DTWD2: variants seen among roughly 807,000 people sequenced by gnomAD.
DTWD2 encodes the protein DTW motif tRNA-uridine aminocarboxypropyltransferase 2, also known as tRNA-uridine aminocarboxypropyltransferase 2.
In DTWD2, 39 loss-of-function variants were observed where a neutral mutation model predicts 31.8. The ratio of observed to expected loss-of-function variants is 1.22; its 90% CI spans 0.95 to 1.60. The LOEUF (loss-of-function observed/expected upper bound fraction) is 1.60, where lower values mean the gene tolerates loss of function less well. Among genes scored for constraint, DTWD2 ranks in the 40% most tolerant of loss-of-function variants. DTWD2 has a pLI of 0.00. For missense variants in DTWD2, 515 were observed against 381.5 expected (o/e 1.35, Z -2.92); for synonymous variants, 180 against 142.8 (o/e 1.26, Z -1.86).
intron 5 of DTWD2, among the ~76,000 whole-genome samples, chr5:118,844,224 G>T (rs1217770768): frequency 6.6e-6 from 1 of 152,178 alleles, no homozygotes; most frequent in Non-Finnish European, 1.5e-5. Context: ...CAGTTTTCAA[G>T]GAACCATTAC....
chr5:118,913,515 T>G (rs981781806), intron 4 of DTWD2, among the ~76,000 whole-genome samples: 2 of 150,310 alleles, frequency 1.3e-5, no homozygotes, highest in African/African-American at 4.9e-5. Flanking sequence ...AGTTTTAAAA[T>G]TAAAAAGATG....
chr5:118,880,731 CT>C (rs1752722869), intron 4 of DTWD2, among the ~76,000 whole-genome samples: 1 of 152,082 alleles, frequency 6.6e-6, no homozygotes, highest in African/African-American at 2.4e-5. Context: ...ACATTTCATA[CT>C]CTTTCCTAGC....
At chr5:118,937,159 G>A (rs2149582970) in intron 3 of DTWD2, among the ~76,000 whole-genome samples, 1 of 152,164 alleles carries the variant, frequency 6.6e-6, no homozygotes, top group Non-Finnish European at 1.5e-5. Context: ...GTTTTAACAT[G>A]CAGAAATCAA....
intron 4 of DTWD2, among the ~76,000 whole-genome samples, chr5:118,927,103 A>C (rs1753826068): frequency 6.6e-6 from 1 of 152,198 alleles, no homozygotes; most frequent in Non-Finnish European, 1.5e-5. Context: ...AGACGGAGAG[A>C]GACAGAGAGC....
At position 118,844,255 on chromosome 5, in the gene DTWD2, T is replaced by C. The variant is rs1454259710; in HGVS notation, c.727-3168A>G. 5.9e-5 allele frequency among the ~76,000 whole-genome samples: 9 copies of C among 152,234 alleles called. No individual in the cohort carries two copies. In the South Asian group the frequency reaches 1.9e-3, roughly 32 times the overall value. On this transcript the variant is annotated intron_variant, in intron 5 of 5. Coordinates refer to ENST00000510708, the MANE Select transcript of DTWD2 (RefSeq NM_173666.4). ...ATTACTACCAACTGCAGATATTGGG[T>C]AGAGCCAAAACATTCAGGTTATAGC...
intron 4 of DTWD2, among the ~76,000 whole-genome samples, chr5:118,906,832 T>C (rs1234489738): frequency 1.3e-5 from 2 of 152,194 alleles, no homozygotes; most frequent in African/African-American, 4.8e-5. Flanking sequence ...TTTAAACATG[T>C]GCAGTTTATT....
intron 1 of DTWD2, among the ~76,000 whole-genome samples, chr5:118,987,100 G>C (rs894824659): frequency 6.6e-6 from 1 of 152,040 alleles, no homozygotes; most frequent in Non-Finnish European, 1.5e-5. Flanking sequence ...CAGTAATTTA[G>C]CCTTTGATTT....
intron 4 of DTWD2, among the ~76,000 whole-genome samples, chr5:118,892,319 T>C (rs1192924847): frequency 6.6e-6 from 1 of 152,160 alleles, no homozygotes; most frequent in Non-Finnish European, 1.5e-5. Context: ...ATAAATACTT[T>C]CCTTTAATAT....
chr5:118,898,385 C>A (rs1753128376), intron 4 of DTWD2, among the ~76,000 whole-genome samples: 1 of 151,740 alleles, frequency 6.6e-6, no homozygotes, highest in South Asian at 2.1e-4. Context: ...TGGCCGAGCA[C>A]AGTGGCTCAC....
At chr5:118,948,265 G>C (rs1043670090) in intron 1 of DTWD2, among the ~76,000 whole-genome samples, 5 of 152,016 alleles carry the variant, frequency 3.3e-5, no homozygotes, top group Non-Finnish European at 7.4e-5. Flanking sequence ...CACAAGGTCA[G>C]GAGTTAGGGA....
chr5:118,948,352 G>A (rs561159452), intron 1 of DTWD2, among the ~76,000 whole-genome samples: 103 of 152,216 alleles, frequency 6.8e-4, no homozygotes, highest in African/African-American at 2.4e-3. Context: ...ATGATGGCAG[G>A]TGCCTGTAGT....
intron 1 of DTWD2, among the ~76,000 whole-genome samples, chr5:118,969,568 A>C (rs1470099519): frequency 6.6e-6 from 1 of 152,242 alleles, no homozygotes; most frequent in Non-Finnish European, 1.5e-5. Flanking sequence ...GTGGAACCCC[A>C]ACAACCACAG....
At chr5:118,979,983 A>G (rs779597123) in intron 1 of DTWD2, among the ~76,000 whole-genome samples, 1 of 152,242 alleles carries the variant, frequency 6.6e-6, no homozygotes, top group African/African-American at 2.4e-5. Flanking sequence ...CATCCTGCAC[A>G]TGTACCCTGG....
intron 4 of DTWD2, among the ~76,000 whole-genome samples, chr5:118,868,459 G>T (rs1752429532): frequency 6.6e-6 from 1 of 152,054 alleles, no homozygotes; most frequent in Non-Finnish European, 1.5e-5. Flanking sequence ...ACACAATCAA[G>T]AAAGTGAAAA....
chr5:118,970,357 G>A (rs1754956231), intron 1 of DTWD2, among the ~76,000 whole-genome samples: 1 of 152,180 alleles, frequency 6.6e-6, no homozygotes, highest in South Asian at 2.1e-4. Context: ...AACCCGGGAG[G>A]TGGAGATTGC....
chr5:118,880,559 G>C (rs1752718541), intron 4 of DTWD2, among the ~76,000 whole-genome samples: 1 of 151,526 alleles, frequency 6.6e-6, no homozygotes, highest in South Asian at 2.1e-4. Flanking sequence ...ATATTTGTTG[G>C]GCTATGGCAT....
intron 1 of DTWD2, among the ~76,000 whole-genome samples, chr5:118,946,409 T>C (rs1317494205): frequency 6.6e-6 from 1 of 152,172 alleles, no homozygotes; most frequent in African/African-American, 2.4e-5. Flanking sequence ...GATCGAGGAC[T>C]GCTATAAGAA....
chr5:118,864,152 T>C (rs1252884334), intron 4 of DTWD2, among the ~76,000 whole-genome samples: 1 of 142,798 alleles, frequency 7.0e-6, no homozygotes, highest in Non-Finnish European at 1.5e-5. Flanking sequence ...AATGATAGAC[T>C]GGATTAAGAA....
chr5:118,935,307 A>G (rs966513053), intron 3 of DTWD2, among the ~76,000 whole-genome samples: 1 of 152,182 alleles, frequency 6.6e-6, no homozygotes, highest in Non-Finnish European at 1.5e-5. Context: ...ACTGAACCCA[A>G]ACCAAGAGTT....
Sources: gnomAD v4.1 joint callset for allele counts (sites outside exome capture counted in the v4.1 genomes callset) on GRCh38, gnomAD v4.1.1 for gene constraint, MANE v1.5 for transcripts, NCBI Gene and HGNC (gene_info 2026-07-23, HGNC 2026-07-21) for gene names.